The following EYS variants were observed in gnomAD, a reference collection of about 807,000 sequenced individuals.
EYS encodes protein eyes shut homolog.
In EYS, 250 loss-of-function variants were observed where a neutral mutation model predicts 282.1. That is an observed-to-expected ratio of 0.89 (90% CI 0.80 to 0.98). The LOEUF is 0.98. Among genes scored for constraint, EYS ranks in the 50% least tolerant of loss-of-function variants. The pLI, the probability that EYS is intolerant of heterozygous loss-of-function variation, is 0.00. For synonymous variants in EYS, 1,355 were observed against 1,282.9 expected (o/e 1.06, Z -1.20); for missense variants, 4,016 against 3,709.0 (o/e 1.08, Z -2.15).
intron 31 of EYS, among the ~76,000 whole-genome samples, chr6:64,157,265 T>G (rs112697899): frequency 0.019 from 2,912 of 152,230 alleles, 80 homozygotes; most frequent in African/African-American, 0.066. Flanking sequence ...GGTGTATATG[T>G]TCCACATTTT....
chr6:64,914,909 C>T lies in EYS; in HGVS notation c.2382-2166G>A, dbSNP rs1258173583. Among the ~76,000 whole-genome samples, 3 of 151,992 alleles carry T rather than the reference C, an allele frequency of 2.0e-5. No homozygotes were observed. The Middle Eastern group carries it at 0.01, about 524-fold the overall frequency. On this transcript the variant is annotated intron_variant, in intron 15 of 42. Coordinates refer to ENST00000503581, the MANE Select transcript of EYS (RefSeq NM_001142800.2). ...CACAAGACAAAATTTATGACTGAAA[C>T]AATTCATACCTTCACAATATAAAAA...
chr6:64,782,957 A>G, intron 22 of EYS, among the ~76,000 whole-genome samples: 1 of 152,216 alleles, frequency 6.6e-6, no homozygotes, highest in Non-Finnish European at 1.5e-5. Flanking sequence ...TCAAAATGTT[A>G]AATAAAAATC....
intron 12 of EYS, among the ~76,000 whole-genome samples, chr6:65,086,110 G>T (rs12203260): frequency 6.6e-6 from 1 of 150,624 alleles, no homozygotes; most frequent in Non-Finnish European, 1.5e-5. Flanking sequence ...AATAGATGAT[G>T]GCAAAAAGAA....
At chr6:64,163,316 TTAG>T (rs1775166199) in intron 31 of EYS, among the ~76,000 whole-genome samples, 1 of 152,076 alleles carries the variant, frequency 6.6e-6, no homozygotes, top group African/African-American at 2.4e-5. Flanking sequence ...ATCATTTCGT[TTAG>T]GTTGACTTTT....
intron 26 of EYS, among the ~76,000 whole-genome samples, chr6:64,447,357 A>T (rs532301629): frequency 5.1e-4 from 77 of 152,282 alleles, no homozygotes; most frequent in African/African-American, 1.8e-3. Flanking sequence ...AATTAGCTTA[A>T]TACCCACTAA....
At chr6:65,662,488 ACAATCTATTTTG>A (rs1252386391) in intron 1 of EYS, among the ~76,000 whole-genome samples, 1 of 152,218 alleles carries the variant, frequency 6.6e-6, no homozygotes, top group African/African-American at 2.4e-5. Context: ...AGAATTTAGA[ACAATCTATTTTG>A]CATTGTTACA....
chr6:64,404,189 T>C (rs1265174647), intron 28 of EYS, among the ~76,000 whole-genome samples: 1 of 152,172 alleles, frequency 6.6e-6, no homozygotes, highest in Non-Finnish European at 1.5e-5. Flanking sequence ...ACTCATAAAA[T>C]CTATTAGCCT....
At chr6:64,424,795 A>C (rs2150454893) in intron 28 of EYS, among the ~76,000 whole-genome samples, 1 of 152,360 alleles carries the variant, frequency 6.6e-6, no homozygotes, top group African/African-American at 2.4e-5. Context: ...GAACACATGA[A>C]GCTTACAGTC....
intron 41 of EYS, among the ~76,000 whole-genome samples, chr6:63,734,638 A>T (rs1006071744): frequency 6.6e-6 from 1 of 152,114 alleles, no homozygotes; most frequent in Non-Finnish European, 1.5e-5. Flanking sequence ...GGTAAGAAAG[A>T]AGGAGAGGAA....
At chr6:64,973,678 T>C (rs1770375292) in intron 14 of EYS, among the ~76,000 whole-genome samples, 1 of 151,994 alleles carries the variant, frequency 6.6e-6, no homozygotes, top group Non-Finnish European at 1.5e-5. Context: ...GAGCATTTAT[T>C]AACTGAAGAT....
At chr6:64,046,925 C>T (rs1404632602) in intron 33 of EYS, among the ~76,000 whole-genome samples, 1 of 152,190 alleles carries the variant, frequency 6.6e-6, no homozygotes, top group African/African-American at 2.4e-5. Context: ...TTTACATTCT[C>T]TCTCCTCTTT....
chr6:64,265,225 G>C (rs1425448067), intron 30 of EYS, among the ~76,000 whole-genome samples: 1 of 152,066 alleles, frequency 6.6e-6, no homozygotes, highest in Admixed American at 6.6e-5. Flanking sequence ...ATGCCAATAT[G>C]CATTTTGTAG....
intron 32 of EYS, among the ~76,000 whole-genome samples, chr6:64,075,198 C>T (rs1211107716): frequency 2.0e-5 from 3 of 151,964 alleles, no homozygotes; most frequent in African/African-American, 7.2e-5. Context: ...ACCTCAGCAG[C>T]AGTTGCTCAT....
chr6:64,983,517 A>G (rs1464543857), intron 14 of EYS, among the ~76,000 whole-genome samples: 3 of 151,290 alleles, frequency 2.0e-5, no homozygotes, highest in African/African-American at 7.3e-5. Flanking sequence ...CTCATAAACA[A>G]TGATGCTTCC....
At chr6:64,781,800 C>T (rs1409889977) in intron 22 of EYS, among the ~76,000 whole-genome samples, 3 of 152,112 alleles carry the variant, frequency 2.0e-5, no homozygotes, top group African/African-American at 7.2e-5. Flanking sequence ...TTTTCAAAGT[C>T]ATCAGGGAAT....
At chr6:65,521,156 C>A (rs1414840019) in intron 2 of EYS, among the ~76,000 whole-genome samples, 1 of 152,080 alleles carries the variant, frequency 6.6e-6, no homozygotes, top group African/African-American at 2.4e-5. Flanking sequence ...TAATTAGATG[C>A]TGAGTAAAAC....
At chr6:63,739,792 C>G (rs951187050) in intron 41 of EYS, among the ~76,000 whole-genome samples, 1 of 151,722 alleles carries the variant, frequency 6.6e-6, no homozygotes, top group Non-Finnish European at 1.5e-5. Context: ...ATCCTGCGTT[C>G]AAGCAATTCT....
At chr6:65,706,997 A>T (rs1769901777) in intron 1 of EYS, 138 bp downstream of exon 1, 1 of 152,194 alleles carries the variant, frequency 6.6e-6, no homozygotes, top group Non-Finnish European at 1.5e-5. Context: ...AAAATGTTTT[A>T]TATATAATAA....
At position 64,898,717 on chromosome 6, in the gene EYS, T is replaced by G. The variant is rs573385077; in HGVS notation, c.2846+3396A>C. On this transcript the variant is annotated intron_variant, in intron 18 of 42. Coordinates refer to ENST00000503581, the MANE Select transcript of EYS (RefSeq NM_001142800.2). ...CTGTATTCAGGAGATGCATCTCGTATGCAAAGACACATATAAGCTCAAAAT... is the reference window on the plus strand; with the variant it reads ...CTGTATTCAGGAGATGCATCTCGTAGGCAAAGACACATATAAGCTCAAAAT... 2.7e-5 allele frequency among the ~76,000 whole-genome samples: 4 copies of G among 149,322 alleles called. No homozygotes were observed. In the South Asian group the frequency reaches 8.7e-4, roughly 32 times the overall value.
Sources: allele counts gnomAD v4.1 joint callset (sites outside exome capture counted in the v4.1 genomes callset), GRCh38; gene constraint gnomAD v4.1.1; transcripts MANE v1.5; gene names NCBI Gene and HGNC (gene_info 2026-07-23, HGNC 2026-07-21).